Variants in TAFA4 observed in about 807,000 individuals in gnomAD.
The protein encoded by TAFA4 is chemokine-like protein TAFA-4.
A neutral mutation model predicts 21.1 loss-of-function variants in TAFA4; 20 were observed. That is an observed-to-expected ratio of 0.95 (90% CI 0.67 to 1.38). TAFA4 has a LOEUF of 1.38. Among genes scored for constraint, TAFA4 ranks in the 40% most tolerant of loss-of-function variants. TAFA4 has a pLI of 0.00. For missense variants in TAFA4, 211 were observed against 180.9 expected (o/e 1.17, Z -0.95); for synonymous variants, 71 against 67.4 (o/e 1.05, Z -0.26).
intron 4 of TAFA4, among the ~76,000 whole-genome samples, chr3:68,750,389 T>C (rs902564639): frequency 6.6e-6 from 1 of 152,186 alleles, no homozygotes; most frequent in African/African-American, 2.4e-5. Flanking sequence ...GTTAGATCAA[T>C]ATGTACCAGC....
At chr3:68,782,857 T>A (rs1003825837) in intron 3 of TAFA4, among the ~76,000 whole-genome samples, 1 of 152,214 alleles carries the variant, frequency 6.6e-6, no homozygotes, top group African/African-American at 2.4e-5. Context: ...ATGTACTAAG[T>A]ACCACTGAAT....
At chr3:68,801,014 T>C (rs1286204116) in intron 3 of TAFA4, among the ~76,000 whole-genome samples, 1 of 152,146 alleles carries the variant, frequency 6.6e-6, no homozygotes, top group African/African-American at 2.4e-5. Flanking sequence ...CTTTCAAGTG[T>C]TGAATGGCCA....
At chr3:68,766,656 T>C (rs1702860503) in intron 3 of TAFA4, among the ~76,000 whole-genome samples, 1 of 151,962 alleles carries the variant, frequency 6.6e-6, no homozygotes, top group Admixed American at 6.6e-5. Flanking sequence ...CGAATCCTAT[T>C]TCAGAGATAA....
chr3:68,751,401 G>A (rs1702555050), intron 4 of TAFA4, among the ~76,000 whole-genome samples: 1 of 152,164 alleles, frequency 6.6e-6, no homozygotes, highest in African/African-American at 2.4e-5. Flanking sequence ...CCTAGACTGT[G>A]GACGTAGCAG....
chr3:68,846,058 C>A (rs1239213246), intron 3 of TAFA4, among the ~76,000 whole-genome samples: 3 of 152,068 alleles, frequency 2.0e-5, no homozygotes, highest in Non-Finnish European at 2.9e-5. Context: ...TTGAATGTGG[C>A]CTGTCTTGCT....
intron 3 of TAFA4, among the ~76,000 whole-genome samples, chr3:68,803,773 TTAAGGGTCTCTACATCTCTGATTC>T (rs1703625537): frequency 6.8e-6 from 1 of 146,186 alleles, no homozygotes. Flanking sequence ...CTCAGGGCCT[TTAAGGGTCTCTACATCTCTGATTC>T]TTTTTTTTTT....
At chr3:68,877,865 T>A (rs1334283241) in intron 3 of TAFA4, among the ~76,000 whole-genome samples, 1 of 152,182 alleles carries the variant, frequency 6.6e-6, no homozygotes, top group African/African-American at 2.4e-5. Flanking sequence ...ACAGCTGCCA[T>A]TTATGGAATG....
chr3:68,897,582 T>A (rs889115621), intron 1 of TAFA4, among the ~76,000 whole-genome samples: 8 of 151,812 alleles, frequency 5.3e-5, no homozygotes, highest in African/African-American at 1.7e-4. Context: ...GCTGAGATCA[T>A]GCCATTGCAC....
chr3:68,780,822 G>T (rs1703140373), intron 3 of TAFA4, among the ~76,000 whole-genome samples: 1 of 151,574 alleles, frequency 6.6e-6, no homozygotes, highest in African/African-American at 2.4e-5. Flanking sequence ...TATGGAAAAA[G>T]TATGCCCAAA....
At chr3:68,778,730 C>G (rs1329997827) in intron 3 of TAFA4, among the ~76,000 whole-genome samples, 1 of 152,196 alleles carries the variant, frequency 6.6e-6, no homozygotes, top group Non-Finnish European at 1.5e-5. Context: ...TCCCCAGCCA[C>G]GTGGAACTGT....
chr3:68,855,331 T>C (rs1201496022), intron 3 of TAFA4, among the ~76,000 whole-genome samples: 2 of 152,162 alleles, frequency 1.3e-5, no homozygotes, highest in African/African-American at 4.8e-5. Flanking sequence ...GGAAGACAAT[T>C]TGGTTTCAAT....
intron 3 of TAFA4, among the ~76,000 whole-genome samples, chr3:68,762,217 A>G (rs1702769170): frequency 6.7e-6 from 1 of 150,266 alleles, no homozygotes; most frequent in Admixed American, 6.7e-5. Flanking sequence ...AAAAAAAAAA[A>G]TGTAGCAGAA....
chr3:68,899,809 G>C (rs1025565916), intron 1 of TAFA4, among the ~76,000 whole-genome samples: 14 of 151,906 alleles, frequency 9.2e-5, no homozygotes, highest in African/African-American at 3.4e-4. Flanking sequence ...ATGCCTTCAA[G>C]GTATTAAATG....
intron 1 of TAFA4, among the ~76,000 whole-genome samples, chr3:68,898,689 C>A (rs1253565276): frequency 6.6e-6 from 1 of 152,118 alleles, no homozygotes; most frequent in Non-Finnish European, 1.5e-5. Context: ...TACTCTGGGT[C>A]AAATATCGGA....
intron 3 of TAFA4, among the ~76,000 whole-genome samples, chr3:68,793,671 AG>A (rs968129294): frequency 1.3e-4 from 20 of 152,206 alleles, no homozygotes; most frequent in Admixed American, 3.9e-4. Flanking sequence ...TGAAACTTTG[AG>A]CTGGTTTTTT....
At chr3:68,792,402 G>T (rs557218384) in intron 3 of TAFA4, among the ~76,000 whole-genome samples, 46 of 152,110 alleles carry the variant, frequency 3.0e-4, no homozygotes, top group African/African-American at 1.0e-3. Context: ...AAACTTGGAG[G>T]GACATACTAT....
intron 3 of TAFA4, among the ~76,000 whole-genome samples, chr3:68,876,161 A>G (rs2089547586): frequency 6.6e-6 from 1 of 152,244 alleles, no homozygotes; most frequent in African/African-American, 2.4e-5. Flanking sequence ...GTCACATGTT[A>G]AAATGATAAT....
chr3:68,783,667 CACACACAGAGAGAGAG>C (rs1293431675), intron 3 of TAFA4, among the ~76,000 whole-genome samples: 431 of 93,940 alleles, frequency 4.6e-3, no homozygotes, highest in Non-Finnish European at 7.0e-3. Context: ...CACAGACACA[CACACACAGAGAGAGAG>C]AGAGAGAGAG....
chr3:68,826,339 C>T (rs771084461), intron 3 of TAFA4, among the ~76,000 whole-genome samples: 3 of 152,052 alleles, frequency 2.0e-5, no homozygotes, highest in Non-Finnish European at 4.4e-5. Context: ...TTTGGGAGGC[C>T]GAGGCAGGCA....
Sources: gnomAD v4.1 joint callset for allele counts (sites outside exome capture counted in the v4.1 genomes callset) on GRCh38, gnomAD v4.1.1 for gene constraint, MANE v1.5 for transcripts, NCBI Gene and HGNC (gene_info 2026-07-23, HGNC 2026-07-21) for gene names.